PPFIA2: variants seen among roughly 807,000 people sequenced by gnomAD.
The protein encoded by PPFIA2 is liprin-alpha-2.
PPFIA2 carries 46 observed loss-of-function variants against 175.5 expected under a neutral mutation model. That is an observed-to-expected ratio of 0.26 (90% CI 0.21 to 0.34). The LOEUF (loss-of-function observed/expected upper bound fraction) is 0.34, where lower values mean the gene tolerates loss of function less well. PPFIA2 is among the 10% of genes least tolerant of loss of function. PPFIA2 has a pLI of 1.00. For synonymous variants in PPFIA2, 568 were observed against 511.4 expected, an observed-to-expected ratio of 1.11 and a Z score of -1.49; for missense variants, 1,179 against 1,506.1, an observed-to-expected ratio of 0.78 and a Z score of 3.60.
chr12:81,491,555 C>T (rs2059420587), intron 4 of PPFIA2, among the ~76,000 whole-genome samples: 3 of 151,802 alleles, frequency 2.0e-5, no homozygotes, highest in Admixed American at 6.6e-5. Flanking sequence ...TAGATAAATC[C>T]ATGAGGGTGG....
At chr12:81,326,167 A>C (rs969896806) in intron 21 of PPFIA2, among the ~76,000 whole-genome samples, 2 of 152,158 alleles carry the variant, frequency 1.3e-5, no homozygotes, top group African/African-American at 4.8e-5. Flanking sequence ...CCAAGTCTTA[A>C]AGTCTGTTTT....
chr12:81,436,459 C>G, intron 7 of PPFIA2, among the ~76,000 whole-genome samples: 2 of 151,832 alleles, frequency 1.3e-5, no homozygotes, highest in Middle Eastern at 6.8e-3. Flanking sequence ...AAAATTTGCT[C>G]TTTTTTTAAA....
chr12:81,519,948 A>C (rs1413928657), intron 4 of PPFIA2, among the ~76,000 whole-genome samples: 1 of 152,230 alleles, frequency 6.6e-6, no homozygotes, highest in Non-Finnish European at 1.5e-5. Flanking sequence ...ATTAACAAAA[A>C]TAAAATAGGA....
At chr12:81,359,840 C>G (rs1460719565) in intron 15 of PPFIA2, among the ~76,000 whole-genome samples, 1 of 151,910 alleles carries the variant, frequency 6.6e-6, no homozygotes, top group African/African-American at 2.4e-5. Flanking sequence ...CTAATCATAT[C>G]AATTTCCTGC....
intron 4 of PPFIA2, among the ~76,000 whole-genome samples, chr12:81,664,643 T>C (rs969908810): frequency 6.6e-6 from 1 of 152,066 alleles, no homozygotes; most frequent in African/African-American, 2.4e-5. Flanking sequence ...TCCTCAGGGA[T>C]CTAGAACTAG....
chr12:81,395,646 T>C (rs530152880), intron 8 of PPFIA2, among the ~76,000 whole-genome samples: 85 of 152,192 alleles, frequency 5.6e-4, no homozygotes, highest in African/African-American at 2.0e-3. Flanking sequence ...TCAGGAATCC[T>C]GTCAGATTAA....
At chr12:81,648,351 GT>G (rs2066481088) in intron 4 of PPFIA2, among the ~76,000 whole-genome samples, 1 of 151,782 alleles carries the variant, frequency 6.6e-6, no homozygotes, top group East Asian at 1.9e-4. Flanking sequence ...ATTCATCTAT[GT>G]AAAAAAAGCT....
chr12:81,587,227 C>T lies in PPFIA2; in HGVS notation c.303+89564G>A, dbSNP rs528858914. 5.3e-5 allele frequency among the ~76,000 whole-genome samples: 8 copies of T among 151,958 alleles called. No homozygotes were observed. The South Asian group carries it at 8.3e-4, about 16-fold the overall frequency. On this transcript the variant is annotated intron_variant, in intron 4 of 32. Transcript: ENST00000549396. ...GGAAGGACCTGTAATTCCCATGTGT[C>T]GAGGGAGGGGAGTGATTGGATCATG...
intron 4 of PPFIA2, among the ~76,000 whole-genome samples, chr12:81,673,463 G>A (rs1239412116): frequency 1.3e-5 from 2 of 152,004 alleles, no homozygotes; most frequent in East Asian, 3.9e-4. Flanking sequence ...AAAACACTAT[G>A]ACAAAGTGGT....
chr12:81,627,822 A>G (rs2062899210), intron 4 of PPFIA2, among the ~76,000 whole-genome samples: 1 of 152,088 alleles, frequency 6.6e-6, no homozygotes, highest in Admixed American at 6.6e-5. Context: ...AAAACATTGT[A>G]TGTCTTTTTT....
rs139683201 is a variant in PPFIA2 at position 81,309,329 on chromosome 12, T to G, written c.2643-9947A>C. 3.4e-3 allele frequency among the ~76,000 whole-genome samples: 518 copies of G among 152,266 alleles called. 3 individuals carry two copies. The highest frequency in any genetic ancestry group is 0.012 in the African/African-American group (492 of 41,574). ...AAGTATGGTGCCAACTCAATTATTT[T>G]TTTTAACATCTGCAAGCTGAACATG... On this transcript the variant is annotated intron_variant, in intron 22 of 32. Coordinates refer to ENST00000549396, the MANE Select transcript of PPFIA2 (RefSeq NM_003625.5).
At chr12:81,598,460 G>T in intron 4 of PPFIA2, 1 of 814,114 alleles carries the variant, frequency 1.2e-6, no homozygotes, top group Non-Finnish European at 1.5e-6. Context: ...TCATTTCAGG[G>T]AAGCATGCAC....
chr12:81,452,881 G>GTAACTTA (rs1407780902), intron 5 of PPFIA2, among the ~76,000 whole-genome samples: 17 of 152,038 alleles, frequency 1.1e-4, no homozygotes, highest in African/African-American at 4.1e-4. Context: ...TTAAGTTTAT[G>GTAACTTA]ATCCATGAGA....
intron 3 of PPFIA2, among the ~76,000 whole-genome samples, chr12:81,682,806 A>AT (rs1200740667): frequency 1.3e-5 from 2 of 151,886 alleles, no homozygotes; most frequent in African/African-American, 4.8e-5. Flanking sequence ...CCTCTTATCA[A>AT]GGTTGCCAAT....
At chr12:81,596,513 G>A (rs897257934) in intron 4 of PPFIA2, among the ~76,000 whole-genome samples, 6 of 151,972 alleles carry the variant, frequency 3.9e-5, no homozygotes, top group South Asian at 2.1e-4. Context: ...GTTAAAAATC[G>A]TTGCAGTGTG....
chr12:81,529,036 G>A (rs976690606), intron 4 of PPFIA2, among the ~76,000 whole-genome samples: 5 of 151,930 alleles, frequency 3.3e-5, no homozygotes, highest in Admixed American at 1.3e-4. Context: ...AATTTTAGAA[G>A]AAGAAATGAA....
chr12:81,441,026 A>T (rs2145040349), intron 6 of PPFIA2, among the ~76,000 whole-genome samples: 1 of 151,582 alleles, frequency 6.6e-6, no homozygotes, highest in African/African-American at 2.4e-5. Context: ...ATGTGTTTTA[A>T]CATATAATTA....
chr12:81,575,567 A>T (rs1474450010), intron 4 of PPFIA2, among the ~76,000 whole-genome samples: 1 of 151,836 alleles, frequency 6.6e-6, no homozygotes, highest in Non-Finnish European at 1.5e-5. Context: ...GAACAGAAAG[A>T]TATATGGGCT....
chr12:81,498,242 T>C (rs1001048569), intron 4 of PPFIA2, among the ~76,000 whole-genome samples: 67 of 152,344 alleles, frequency 4.4e-4, no homozygotes, highest in African/African-American at 1.5e-3. Context: ...GGTACATCTA[T>C]CAAATAAATT....
Sources: allele counts gnomAD v4.1 joint callset (sites outside exome capture counted in the v4.1 genomes callset), GRCh38; gene constraint gnomAD v4.1.1; transcripts MANE v1.5; gene names NCBI Gene and HGNC (gene_info 2026-07-23, HGNC 2026-07-21).